MLLT3: variants seen among roughly 807,000 people sequenced by gnomAD.
MLLT3 encodes MLLT3 super elongation complex subunit, also known as protein AF-9.
MLLT3 carries 4 observed loss-of-function variants against 53.2 expected under a neutral mutation model. The observed-to-expected ratio is 0.08, with a 90% CI of 0.04 to 0.17. MLLT3 has a LOEUF of 0.17. Ranked by LOEUF, MLLT3 falls within the 10% of genes least tolerant of loss-of-function variation. The pLI, the probability that MLLT3 is intolerant of heterozygous loss-of-function variation, is 1.00. For missense variants in MLLT3, 569 were observed against 684.0 expected (o/e 0.83, Z 1.87); for synonymous variants, 283 against 230.6 (o/e 1.23, Z -2.06).
chr9:20,521,674 G>T (rs986239523), intron 2 of MLLT3, among the ~76,000 whole-genome samples: 1 of 152,028 alleles, frequency 6.6e-6, no homozygotes, highest in Non-Finnish European at 1.5e-5. Flanking sequence ...AGGAAGAAAT[G>T]GTAAGAAAAT....
At chr9:20,398,701 C>G (rs1301925410) in intron 5 of MLLT3, among the ~76,000 whole-genome samples, 1 of 152,086 alleles carries the variant, frequency 6.6e-6, no homozygotes, top group African/African-American at 2.4e-5. Context: ...AATAGGGAGG[C>G]AGAAATTTCT....
At chr9:20,529,138 T>C (rs773679945) in intron 2 of MLLT3, among the ~76,000 whole-genome samples, 1 of 152,224 alleles carries the variant, frequency 6.6e-6, no homozygotes, top group Non-Finnish European at 1.5e-5. Context: ...CACCTGAGAC[T>C]ACGCCTTACA....
At chr9:20,361,209 T>C (rs1338623942) in intron 7 of MLLT3, among the ~76,000 whole-genome samples, 3 of 152,170 alleles carry the variant, frequency 2.0e-5, no homozygotes, top group African/African-American at 7.2e-5. Flanking sequence ...TTCATCTCCC[T>C]TCTCCTGCTC....
chr9:20,602,848 T>C (rs1211535728), intron 2 of MLLT3, among the ~76,000 whole-genome samples: 1 of 151,940 alleles, frequency 6.6e-6, no homozygotes, highest in Non-Finnish European at 1.5e-5. Flanking sequence ...GAGAAAGACA[T>C]GTCACTTTTT....
chr9:20,501,092 T>C (rs953543368), intron 2 of MLLT3, among the ~76,000 whole-genome samples: 10 of 152,258 alleles, frequency 6.6e-5, no homozygotes, highest in African/African-American at 2.4e-4. Flanking sequence ...TTACCAATTA[T>C]GGTTCATGGT....
intron 10 of MLLT3, among the ~76,000 whole-genome samples, chr9:20,350,776 GT>G (rs1821005909): frequency 6.6e-6 from 1 of 152,074 alleles, no homozygotes; most frequent in Non-Finnish European, 1.5e-5. Context: ...GTCTCATTTT[GT>G]TTTAAACAGG....
At chr9:20,599,603 G>C (rs1029398006) in intron 2 of MLLT3, among the ~76,000 whole-genome samples, 10 of 152,118 alleles carry the variant, frequency 6.6e-5, no homozygotes, top group African/African-American at 2.4e-4. Flanking sequence ...GTAGAGATAT[G>C]ACCTAGAAGC....
At chr9:20,575,021 GC>G (rs1819619731) in intron 2 of MLLT3, among the ~76,000 whole-genome samples, 1 of 152,180 alleles carries the variant, frequency 6.6e-6, no homozygotes, top group African/African-American at 2.4e-5. Context: ...TCCATAAGAA[GC>G]AACTCCTCAT....
rs1820817615 is a variant in MLLT3, at chr9:20,344,529, G to A, written c.*1914C>T. The stretch of plus-strand genomic sequence containing the variant: ...GACTCAAAGTTTCTCTGCACATCAA[G>A]AAGTGGACAATACAACAAATGCTTC... On this transcript the variant is annotated 3_prime_UTR_variant, in exon 11 of 11. Coordinates refer to ENST00000380338, the MANE Select transcript of MLLT3 (RefSeq NM_004529.4). 4 of 218,590 alleles carry A rather than the reference G, an allele frequency of 1.8e-5. No individual in the cohort carries two copies. The Admixed American group carries it at 2.3e-4, about 13-fold the overall frequency. The allele number at this position is 218,590 out of a possible 1,614,324, so 13.5% of individuals were successfully genotyped here.
intron 2 of MLLT3, among the ~76,000 whole-genome samples, chr9:20,568,709 T>C (rs982857011): frequency 7.2e-5 from 11 of 152,342 alleles, no homozygotes; most frequent in South Asian, 2.1e-4. Flanking sequence ...TTAATTTCTT[T>C]TCCTGAAGGA....
intron 2 of MLLT3, among the ~76,000 whole-genome samples, chr9:20,493,244 T>C (rs7853918): frequency 0.22 from 32,828 of 151,824 alleles, 3,645 homozygotes; most frequent in Middle Eastern, 0.31. Context: ...CATAAACAAC[T>C]CATATTTCTC....
At chr9:20,421,498 A>G (rs1823007590) in intron 4 of MLLT3, among the ~76,000 whole-genome samples, 1 of 152,138 alleles carries the variant, frequency 6.6e-6, no homozygotes, top group African/African-American at 2.4e-5. Context: ...AAGATCCACA[A>G]AACATGCAAA....
intron 5 of MLLT3, among the ~76,000 whole-genome samples, chr9:20,383,591 C>T (rs1488366702): frequency 6.6e-6 from 1 of 151,750 alleles, no homozygotes; most frequent in Non-Finnish European, 1.5e-5. Flanking sequence ...GCAGTTAGGA[C>T]AGAACACTGA....
intron 7 of MLLT3, among the ~76,000 whole-genome samples, chr9:20,362,047 T>C (rs909285227): frequency 2.0e-5 from 3 of 152,212 alleles, no homozygotes; most frequent in African/African-American, 7.2e-5. Flanking sequence ...TGTTTTAAAA[T>C]GTGTCTTGAG....
rs147141375 is a variant in MLLT3, at chr9:20,343,449, G to C, written c.*2994C>G. The C allele has an allele frequency of 9.0e-6, 2 of 223,410 alleles. No individual in the cohort carries two copies. Among genetic ancestry groups the C allele is most frequent in the African/African-American group, 4.5e-5 (2 of 44,728 alleles). The allele number at this position is 223,410 out of a possible 1,614,324, so 13.8% of individuals were successfully genotyped here. On this transcript the variant is annotated 3_prime_UTR_variant, in exon 11 of 11. Transcript: ENST00000380338. Reference sequence around the variant, plus strand: ...CTGTATTAAGATTGAGAGAGAGGCAGATTATGCTGAGGATGGTGAAGTAAC... The same window carrying C: ...CTGTATTAAGATTGAGAGAGAGGCACATTATGCTGAGGATGGTGAAGTAAC...
Position 20,414,316 on chromosome 9 carries a change from C to G in MLLT3, c.530G>C (p.Ser177Thr), listed in dbSNP as rs1270555827. 6.2e-7 allele frequency: 1 copy of G among 1,604,378 alleles called. No individual in the cohort carries two copies. The change falls in exon 5 of 11, where the codon AGC becomes ACC. Residue 177 changes from serine to threonine, a missense_variant. This residue lies in a region of MLLT3 where 437 missense variants were observed against 376.5 expected (regional missense o/e 1.16). Transcript: ENST00000380338. ...SSSSSSSSSS[S>T]SSSSSSSSSS... ...GCTGCTGCTACTGCTGCTGCTACTG[C>G]TGCTGCTGCTGCTGCTGCTGCTGCT...
At position 20,619,933 on chromosome 9, in the gene MLLT3, A is replaced by T. The variant is rs527304315; in HGVS notation, c.193+721T>A. Among the ~76,000 whole-genome samples, 5 of 152,270 alleles carry T rather than the reference A, an allele frequency of 3.3e-5. No individual in the cohort carries two copies. The East Asian group carries it at 9.6e-4, about 29-fold the overall frequency. On this transcript the variant is annotated intron_variant, in intron 2 of 10. Coordinates refer to ENST00000380338, the MANE Select transcript of MLLT3 (RefSeq NM_004529.4). ...CTTCAACTTAGCTTCGACCTTTGCA[A>T]GAACAGTCTCCCTGCAGATCACATC...
intron 2 of MLLT3, among the ~76,000 whole-genome samples, chr9:20,583,572 G>T (rs1169495601): frequency 3.3e-5 from 5 of 152,132 alleles, no homozygotes; most frequent in Non-Finnish European, 7.4e-5. Flanking sequence ...TACATCTTCT[G>T]CAATCTAGGC....
chr9:20,425,479 T>C (rs548669787), intron 4 of MLLT3, among the ~76,000 whole-genome samples: 1 of 152,262 alleles, frequency 6.6e-6, no homozygotes, highest in Non-Finnish European at 1.5e-5. Context: ...ATCCTCTTCC[T>C]TTTCATGCAC....
Sources: gnomAD v4.1 joint callset for allele counts (sites outside exome capture counted in the v4.1 genomes callset) on GRCh38, gnomAD v4.1.1 for gene constraint, gnomAD v4.1.1 regional missense constraint, MANE v1.5 for transcripts, NCBI Gene and HGNC (gene_info 2026-07-23, HGNC 2026-07-21) for gene names.